SNTG1: variants seen among roughly 807,000 people sequenced by gnomAD.
SNTG1 encodes the protein gamma-1-syntrophin.
In SNTG1, 39 loss-of-function variants were observed where a neutral mutation model predicts 74.7. The ratio of observed to expected loss-of-function variants is 0.52; its 90% CI spans 0.40 to 0.68. The LOEUF (loss-of-function observed/expected upper bound fraction) is 0.68, where lower values mean the gene tolerates loss of function less well. Ranked by LOEUF, SNTG1 falls within the 30% of genes least tolerant of loss-of-function variation. SNTG1 has a pLI of 0.00. For synonymous variants in SNTG1, 254 were observed against 217.1 expected (o/e 1.17, Z -1.49); for missense variants, 685 against 609.5 (o/e 1.12, Z -1.30).
At chr8:49,952,591 C>G (rs919068221) in intron 1 of SNTG1, among the ~76,000 whole-genome samples, 1 of 152,156 alleles carries the variant, frequency 6.6e-6, no homozygotes, top group Non-Finnish European at 1.5e-5. Flanking sequence ...ACGTGGTAAT[C>G]CACCCATTAT....
intron 1 of SNTG1, among the ~76,000 whole-genome samples, chr8:50,003,854 G>C (rs956934435): frequency 1.3e-5 from 2 of 152,138 alleles, no homozygotes; most frequent in Non-Finnish European, 2.9e-5. Context: ...TAACTTCCAG[G>C]TGTCTCTCTC....
intron 4 of SNTG1, among the ~76,000 whole-genome samples, chr8:50,422,563 C>A (rs2093105736): frequency 6.6e-6 from 1 of 151,940 alleles, no homozygotes. Context: ...AGAATTATTG[C>A]TCAAATCAAT....
At chr8:50,498,312 A>C (rs1435594960) in intron 8 of SNTG1, among the ~76,000 whole-genome samples, 1 of 151,930 alleles carries the variant, frequency 6.6e-6, no homozygotes, top group Non-Finnish European at 1.5e-5. Flanking sequence ...CAGAAGATTT[A>C]TAGTGGTATC....
intron 1 of SNTG1, among the ~76,000 whole-genome samples, chr8:50,131,133 G>A (rs760261972): frequency 2.6e-5 from 4 of 152,136 alleles, no homozygotes; most frequent in Middle Eastern, 3.4e-3. Flanking sequence ...GACAGTGAAA[G>A]TTTCAAATAA....
intron 2 of SNTG1, among the ~76,000 whole-genome samples, chr8:50,285,753 A>G (rs1243967826): frequency 6.6e-6 from 1 of 151,860 alleles, no homozygotes; most frequent in Non-Finnish European, 1.5e-5. Context: ...ATTTACAAAA[A>G]CCATAAGGGC....
chr8:50,566,017 TA>T (rs1165949319), intron 12 of SNTG1, among the ~76,000 whole-genome samples: 4 of 151,682 alleles, frequency 2.6e-5, no homozygotes, highest in Non-Finnish European at 5.9e-5. Context: ...AAATGTTTAA[TA>T]TAAGTGAATT....
chr8:50,336,564 T>C (rs1171879578), intron 2 of SNTG1, among the ~76,000 whole-genome samples: 3 of 152,130 alleles, frequency 2.0e-5, no homozygotes, highest in Admixed American at 2.0e-4. Flanking sequence ...AAATGAAACA[T>C]AGTTATAGTT....
chr8:49,968,611 AT>A (rs1811365664), intron 1 of SNTG1, among the ~76,000 whole-genome samples: 1 of 152,190 alleles, frequency 6.6e-6, no homozygotes, highest in Non-Finnish European at 1.5e-5. Flanking sequence ...TTCAGAGGAA[AT>A]AATATCAATT....
chr8:50,270,390 A>C (rs1354921071), intron 2 of SNTG1, among the ~76,000 whole-genome samples: 1 of 152,226 alleles, frequency 6.6e-6, no homozygotes, highest in East Asian at 1.9e-4. Flanking sequence ...AGAAAGCTGT[A>C]CTGTGGATAG....
intron 12 of SNTG1, among the ~76,000 whole-genome samples, chr8:50,557,999 A>G (rs1309399128): frequency 6.6e-6 from 1 of 151,636 alleles, no homozygotes; most frequent in East Asian, 1.9e-4. Flanking sequence ...GGAGTTCCCC[A>G]CTCTTACTGG....
chr8:50,429,499 T>A (rs1563374472), intron 4 of SNTG1, among the ~76,000 whole-genome samples: 1 of 152,062 alleles, frequency 6.6e-6, no homozygotes. Context: ...GCATGAAAAA[T>A]CTAAATTTAA....
chr8:49,970,061 T>C (rs1341225995), intron 1 of SNTG1, among the ~76,000 whole-genome samples: 1 of 152,140 alleles, frequency 6.6e-6, no homozygotes, highest in African/African-American at 2.4e-5. Flanking sequence ...GTTAGACCAA[T>C]CTCAGGGTGA....
chr8:49,915,472 C>A (rs914182585), intron 1 of SNTG1, among the ~76,000 whole-genome samples: 1 of 152,166 alleles, frequency 6.6e-6, no homozygotes, highest in Admixed American at 6.5e-5. Context: ...TCCTTTACAT[C>A]TCTTAATGGT....
At chr8:50,319,427 C>G (rs1256759799) in intron 2 of SNTG1, among the ~76,000 whole-genome samples, 2 of 152,138 alleles carry the variant, frequency 1.3e-5, no homozygotes, top group South Asian at 2.1e-4. Flanking sequence ...ATGTTTTATA[C>G]TACAACTTTA....
At chr8:50,376,744 T>TAGAGAG (rs1366560448) in intron 2 of SNTG1, among the ~76,000 whole-genome samples, 2 of 112,884 alleles carry the variant, frequency 1.8e-5, no homozygotes, top group Non-Finnish European at 1.9e-5. Context: ...TATATATATA[T>TAGAGAG]ATATATATAT....
chr8:50,568,619 C>A (rs1293062407), intron 12 of SNTG1, among the ~76,000 whole-genome samples: 2 of 152,038 alleles, frequency 1.3e-5, no homozygotes, highest in Non-Finnish European at 2.9e-5. Context: ...TACCTCTTGG[C>A]CATTCATATT....
chr8:50,695,182 A>G (rs1268961750), intron 15 of SNTG1, among the ~76,000 whole-genome samples: 1 of 151,826 alleles, frequency 6.6e-6, no homozygotes, highest in Non-Finnish European at 1.5e-5. Context: ...ATATGTAAAA[A>G]AAAACCCAAG....
intron 2 of SNTG1, among the ~76,000 whole-genome samples, chr8:50,245,682 C>G (rs2086367377): frequency 6.6e-6 from 1 of 151,980 alleles, no homozygotes; most frequent in East Asian, 1.9e-4. Context: ...GAGTCCATCT[C>G]AAACAAACAA....
At chr8:50,222,302 G>A (rs1440175909) in intron 2 of SNTG1, among the ~76,000 whole-genome samples, 1 of 152,108 alleles carries the variant, frequency 6.6e-6, no homozygotes, top group African/African-American at 2.4e-5. Flanking sequence ...TGAGGGAGGG[G>A]CTACTATCAT....
Sources: gnomAD v4.1 joint callset for allele counts (sites outside exome capture counted in the v4.1 genomes callset) on GRCh38, gnomAD v4.1.1 for gene constraint, MANE v1.5 for transcripts, NCBI Gene and HGNC (gene_info 2026-07-23, HGNC 2026-07-21) for gene names.